IPO7: variants seen among roughly 807,000 people sequenced by gnomAD.
IPO7 encodes importin-7.
A neutral mutation model predicts 136.4 loss-of-function variants in IPO7; 13 were observed. The ratio of observed to expected loss-of-function variants is 0.10; its 90% CI spans 0.06 to 0.15. The LOEUF (loss-of-function observed/expected upper bound fraction) is 0.15, where lower values mean the gene tolerates loss of function less well. Among genes scored for constraint, IPO7 ranks in the 10% least tolerant of loss-of-function variants. The pLI, the probability that IPO7 is intolerant of heterozygous loss-of-function variation, is 1.00. For missense variants in IPO7, 857 were observed against 1,240.6 expected, an observed-to-expected ratio of 0.69 and a Z score of 4.65; for synonymous variants, 403 against 404.4, an observed-to-expected ratio of 1.00 and a Z score of 0.04.
intron 1 of IPO7, among the ~76,000 whole-genome samples, chr11:9,386,005 A>G (rs1200813646): frequency 2.6e-5 from 4 of 152,180 alleles, no homozygotes; most frequent in Admixed American, 2.0e-4. Context: ...TAGAAATTCA[A>G]CTATTTTATG....
chr11:9,397,684 T>TG (rs2133725010), intron 1 of IPO7, among the ~76,000 whole-genome samples: 1 of 152,144 alleles, frequency 6.6e-6, no homozygotes, highest in Admixed American at 6.6e-5. Flanking sequence ...GTGTGCTTTG[T>TG]GGGCGATTTA....
At chr11:9,424,282 G>T (rs915355310) in intron 10 of IPO7, among the ~76,000 whole-genome samples, 3 of 152,148 alleles carry the variant, frequency 2.0e-5, no homozygotes, top group Non-Finnish European at 2.9e-5. Context: ...GTTGAATATT[G>T]GTCCTTATTC....
intron 16 of IPO7, 45 bp downstream of exon 16, chr11:9,431,048 CT>C (rs770661887): frequency 1.9e-6 from 3 of 1,547,410 alleles, no homozygotes; most frequent in East Asian, 2.3e-5. Context: ...CCATTTTATG[CT>C]TTTTAGAGGG....
Position 9,420,708 on chromosome 11 carries a change from T to C in IPO7, c.906+10T>C. The C allele has an allele frequency of 6.3e-7, 1 of 1,578,228 alleles. No individual in the cohort carries two copies. The highest frequency in any genetic ancestry group is 8.7e-7 in the Non-Finnish European group (1 of 1,148,902). On this transcript the variant is annotated intron_variant, in intron 8 of 24. Transcript: ENST00000379719. ...TGTTGGTGTCCAGCAAGTAAGTCTGTTTTTAGTTTTTCTCAGTGGAAACAT... is the reference window on the plus strand; with the variant it reads ...TGTTGGTGTCCAGCAAGTAAGTCTGCTTTTAGTTTTTCTCAGTGGAAACAT...
In IPO7 at chr11:9,418,367, C is replaced by A. The variant is rs563184774; in HGVS notation, c.726+1219C>A. On this transcript the variant is annotated intron_variant, in intron 6 of 24. Coordinates refer to ENST00000379719, the MANE Select transcript of IPO7 (RefSeq NM_006391.3). ...TACAGGTGTGAGCCACCGTGCCTAGCCTATTTTACAGTGTGTTTTATGTAC... is the reference window on the plus strand; with the variant it reads ...TACAGGTGTGAGCCACCGTGCCTAGACTATTTTACAGTGTGTTTTATGTAC... 2.0e-5 allele frequency among the ~76,000 whole-genome samples: 3 copies of A among 152,142 alleles called. No individual in the cohort carries two copies. In the South Asian group the frequency reaches 6.2e-4, roughly 31 times the overall value.
At chr11:9,419,545 T>TAAAAA (rs1178586532) in intron 6 of IPO7, among the ~76,000 whole-genome samples, 17 of 91,710 alleles carry the variant, frequency 1.9e-4, no homozygotes, top group East Asian at 6.4e-4. Flanking sequence ...AGACTCTGTC[T>TAAAAA]AAAAAAAAAA....
At chr11:9,400,403 T>C (rs777432040) in intron 1 of IPO7, among the ~76,000 whole-genome samples, 4 of 152,100 alleles carry the variant, frequency 2.6e-5, no homozygotes, top group Non-Finnish European at 5.9e-5. Flanking sequence ...TAATGTCTTA[T>C]AGCACAAACA....
chr11:9,416,806 G>C (rs1482198315), intron 5 of IPO7, among the ~76,000 whole-genome samples: 1 of 152,052 alleles, frequency 6.6e-6, no homozygotes, highest in East Asian at 1.9e-4. Context: ...TTGATGAAAG[G>C]TGTTCATTAG....
At chr11:9,423,464 A>G (rs1053841443) in intron 9 of IPO7, among the ~76,000 whole-genome samples, 104 of 152,210 alleles carry the variant, frequency 6.8e-4, no homozygotes, top group Admixed American at 3.7e-3. Context: ...CATTTCTAGT[A>G]TAAATGACTT....
chr11:9,391,227 G>A (rs993751182), intron 1 of IPO7, among the ~76,000 whole-genome samples: 1 of 151,126 alleles, frequency 6.6e-6, no homozygotes, highest in South Asian at 2.1e-4. Flanking sequence ...GTGAAACCCC[G>A]TCTCTACTGA....
At chr11:9,427,291 C>T (rs972514784) in intron 12 of IPO7, among the ~76,000 whole-genome samples, 5 of 152,182 alleles carry the variant, frequency 3.3e-5, no homozygotes, top group South Asian at 2.1e-4. Context: ...AATGGAGCCT[C>T]GTTCTGTTAT....
intron 18 of IPO7, 129 bp downstream of exon 18, chr11:9,433,975 G>A: frequency 1.2e-6 from 1 of 865,380 alleles, no homozygotes; most frequent in Non-Finnish European, 1.7e-6. Context: ...CCAGGCTGGA[G>A]TGCAATGGTG....
intron 2 of IPO7, among the ~76,000 whole-genome samples, chr11:9,406,867 C>T (rs1374897445): frequency 6.6e-6 from 1 of 151,942 alleles, no homozygotes; most frequent in Non-Finnish European, 1.5e-5. Flanking sequence ...GAGTGAGACC[C>T]TTTCTCAAAA....
chr11:9,444,278 T>TA lies in IPO7; in HGVS notation c.3020-808dup, dbSNP rs750770620. On this transcript the variant is annotated intron_variant, in intron 24 of 24. Coordinates refer to ENST00000379719, the MANE Select transcript of IPO7 (RefSeq NM_006391.3). The stretch of plus-strand genomic sequence containing the variant: ...GGGTGACAGAGTGAAACTCTGTCTC[T>TA]AAAAAAAAAAATAAACAAAAGTACA... 3.8e-3 allele frequency among the ~76,000 whole-genome samples: 407 copies of TA among 107,098 alleles called. 2 individuals are homozygous for TA. The highest frequency in any genetic ancestry group is 0.012 in the African/African-American group (342 of 27,786). The allele number at this position is 107,098 out of a possible 152,430, so 70.3% of individuals were successfully genotyped here.
intron 1 of IPO7, among the ~76,000 whole-genome samples, chr11:9,395,494 C>T (rs1854695434): frequency 6.6e-6 from 1 of 152,044 alleles, no homozygotes; most frequent in African/African-American, 2.4e-5. Context: ...CTGCCTTGGC[C>T]TCCCAAAGTG....
At chr11:9,393,189 G>A (rs969370548) in intron 1 of IPO7, among the ~76,000 whole-genome samples, 43 of 152,154 alleles carry the variant, frequency 2.8e-4, no homozygotes, top group African/African-American at 1.0e-3. Context: ...TTCTTCTGCA[G>A]GCAGGTGATT....
intron 2 of IPO7, among the ~76,000 whole-genome samples, 177 bp from the exon 3 acceptor site, chr11:9,408,309 A>T (rs919725240): frequency 6.6e-6 from 1 of 152,224 alleles, no homozygotes; most frequent in African/African-American, 2.4e-5. Flanking sequence ...GATTGCTGTA[A>T]CAGTGTTCAA....
In IPO7 at chr11:9,442,745, A is replaced by G. The variant is rs190161408; in HGVS notation, c.3019+548A>G. 5.2e-3 allele frequency among the ~76,000 whole-genome samples: 779 copies of G among 149,492 alleles called. 5 individuals are homozygous for G. The highest frequency in any genetic ancestry group is 0.018 in the African/African-American group (737 of 40,994). ...GTTTATTTTTAAGTATAATTGGGCC[A>G]GGTGTGGTGGCTCATGCCTGTAATT... On this transcript the variant is annotated intron_variant, in intron 24 of 24. Coordinates refer to ENST00000379719, the MANE Select transcript of IPO7 (RefSeq NM_006391.3).
chr11:9,423,276 C>T, intron 9 of IPO7, 136 bp downstream of exon 9: 1 of 530,518 alleles, frequency 1.9e-6, no homozygotes, highest in East Asian at 2.9e-5. Flanking sequence ...GAGAGTATAG[C>T]AGAAAAAGGA....
Sources: gnomAD v4.1 joint callset for allele counts (sites outside exome capture counted in the v4.1 genomes callset) on GRCh38, gnomAD v4.1.1 for gene constraint, MANE v1.5 for transcripts, NCBI Gene and HGNC (gene_info 2026-07-23, HGNC 2026-07-21) for gene names.